Variants in GABRB2 observed in about 807,000 individuals in gnomAD.
GABRB2 encodes the protein gamma-aminobutyric acid receptor subunit beta-2.
In GABRB2, 16 loss-of-function variants were observed where a neutral mutation model predicts 54.7. That is an observed-to-expected ratio of 0.29 (90% CI 0.20 to 0.44). GABRB2 has a LOEUF of 0.44. Among genes scored for constraint, GABRB2 ranks in the 20% least tolerant of loss-of-function variants. The pLI is 1.00. For missense variants in GABRB2, 355 were observed against 644.0 expected, an observed-to-expected ratio of 0.55 and a Z score of 4.86; for synonymous variants, 244 against 233.8, an observed-to-expected ratio of 1.04 and a Z score of -0.40.
chr5:161,477,703 G>C (rs1219841875), intron 3 of GABRB2, among the ~76,000 whole-genome samples: 2 of 151,874 alleles, frequency 1.3e-5, no homozygotes, highest in African/African-American at 4.8e-5. Flanking sequence ...AAATAAGCCA[G>C]TCACAGAATG....
At chr5:161,520,374 GCTA>G (rs1760077588) in intron 3 of GABRB2, among the ~76,000 whole-genome samples, 1 of 151,922 alleles carries the variant, frequency 6.6e-6, no homozygotes, top group Non-Finnish European at 1.5e-5. Flanking sequence ...TTTTTGCTTT[GCTA>G]ATTTGTATTT....
chr5:161,293,786 T>C lies in GABRB2; in HGVS notation c.*295A>G. The C allele has an allele frequency of 3.1e-6, 1 of 319,632 alleles. No homozygotes were observed. The highest frequency in any genetic ancestry group is 6.5e-5 in the South Asian group (1 of 15,412). 19.8% of individuals were successfully genotyped at this position (319,632 alleles called of 1,614,324 possible). A position where few individuals can be genotyped will look rare whatever the true frequency, so the allele number is the denominator to read the frequency against. ...AGCCTTCTAAGAATATCTTCCAAATTATTCCCCTCTGAGTAGGCTGCATAC... is the reference window on the plus strand; with the variant it reads ...AGCCTTCTAAGAATATCTTCCAAATCATTCCCCTCTGAGTAGGCTGCATAC... On this transcript the variant is annotated 3_prime_UTR_variant, in exon 10 of 10. Coordinates refer to ENST00000393959, the MANE Select transcript of GABRB2 (RefSeq NM_001371727.1).
chr5:161,412,419 C>T (rs1254130393), intron 4 of GABRB2, among the ~76,000 whole-genome samples: 3 of 152,182 alleles, frequency 2.0e-5, no homozygotes, highest in African/African-American at 7.2e-5. Context: ...TCTCCACTGC[C>T]TCCCCTCTGA....
chr5:161,521,610 G>A (rs1581055709), intron 3 of GABRB2, among the ~76,000 whole-genome samples: 2 of 151,900 alleles, frequency 1.3e-5, no homozygotes, highest in Non-Finnish European at 2.9e-5. Flanking sequence ...AAAATCAAAC[G>A]AAGTGGATCA....
At chr5:161,455,966 A>G (rs1325686847) in intron 4 of GABRB2, among the ~76,000 whole-genome samples, 1 of 152,188 alleles carries the variant, frequency 6.6e-6, no homozygotes, top group African/African-American at 2.4e-5. Flanking sequence ...ATACCTGAAG[A>G]TTTCACTGAA....
intron 5 of GABRB2, among the ~76,000 whole-genome samples, chr5:161,388,438 G>A (rs1398881280): frequency 6.6e-6 from 1 of 151,988 alleles, no homozygotes. Context: ...AATTGCTTTT[G>A]ATGCTAGCTT....
intron 4 of GABRB2, among the ~76,000 whole-genome samples, chr5:161,443,809 C>T (rs1757532239): frequency 6.6e-6 from 1 of 152,208 alleles, no homozygotes; most frequent in Admixed American, 6.5e-5. Context: ...TTGTCTCATG[C>T]CATCATCAGG....
chr5:161,368,584 C>T (rs1009998986), intron 5 of GABRB2, among the ~76,000 whole-genome samples: 11 of 152,108 alleles, frequency 7.2e-5, no homozygotes, highest in African/African-American at 2.4e-4. Context: ...AATAATCTCC[C>T]GGAGTTGAGT....
chr5:161,495,086 T>G (rs987135618), intron 3 of GABRB2, among the ~76,000 whole-genome samples: 1 of 152,008 alleles, frequency 6.6e-6, no homozygotes, highest in Non-Finnish European at 1.5e-5. Context: ...ACATGATGCT[T>G]AGTCACAAAT....
Position 161,305,788 on chromosome 5 carries a change from C to G in GABRB2, c.1192-11360G>C, listed in dbSNP as rs529161095. On this transcript the variant is annotated intron_variant, in intron 9 of 9. Coordinates refer to ENST00000393959, the MANE Select transcript of GABRB2 (RefSeq NM_001371727.1). ...TCCACAAGACTGGAGACAGTCCAGT[C>G]AGTCAACCATTTCTAATGCACAGGA... Among the ~76,000 whole-genome samples, 6 of 152,336 alleles carry G rather than the reference C, an allele frequency of 3.9e-5. No homozygotes were observed. The South Asian group carries it at 1.2e-3, about 32-fold the overall frequency.
rs532434361 is a variant in GABRB2 at position 161,422,785 on chromosome 5, C to T, written c.459-11728G>A. The stretch of plus-strand genomic sequence containing the variant: ...GAATATGCATGGGATACTAACATTC[C>T]ATGGGTTGTAAATGATCAGCATAAC... On this transcript the variant is annotated intron_variant, in intron 4 of 9. Coordinates refer to ENST00000393959, the MANE Select transcript of GABRB2 (RefSeq NM_001371727.1). 7.2e-5 allele frequency among the ~76,000 whole-genome samples: 11 copies of T among 152,182 alleles called. No homozygotes were observed. The South Asian group carries it at 2.3e-3, about 32-fold the overall frequency.
intron 3 of GABRB2, among the ~76,000 whole-genome samples, chr5:161,480,370 C>T (rs950764272): frequency 2.0e-5 from 3 of 151,958 alleles, no homozygotes; most frequent in African/African-American, 7.2e-5. Context: ...CACACAAATA[C>T]ATAAATATAT....
intron 3 of GABRB2, among the ~76,000 whole-genome samples, chr5:161,489,863 C>T (rs1268031618): frequency 4.6e-5 from 7 of 151,756 alleles, no homozygotes; most frequent in African/African-American, 2.4e-5. Flanking sequence ...AGCTCCTTCT[C>T]TTTATGAGAT....
At chr5:161,336,919 AC>A in intron 5 of GABRB2, 150 bp from the exon 6 acceptor site, 1 of 829,072 alleles carries the variant, frequency 1.2e-6, no homozygotes, top group South Asian at 1.9e-5. Context: ...TTGGTATCAT[AC>A]TAAACATTTC....
intron 5 of GABRB2, among the ~76,000 whole-genome samples, chr5:161,395,346 A>G (rs1393728668): frequency 1.3e-5 from 2 of 152,164 alleles, no homozygotes; most frequent in East Asian, 3.9e-4. Flanking sequence ...TGAAGATAGT[A>G]AATGATTAAC....
intron 9 of GABRB2, among the ~76,000 whole-genome samples, chr5:161,323,551 C>A (rs1758278447): frequency 6.6e-6 from 1 of 152,158 alleles, no homozygotes; most frequent in Non-Finnish European, 1.5e-5. Flanking sequence ...TCTGCTTATG[C>A]ATCTCTGCAT....
At chr5:161,472,533 G>A (rs1444872297) in intron 3 of GABRB2, among the ~76,000 whole-genome samples, 1 of 151,278 alleles carries the variant, frequency 6.6e-6, no homozygotes, top group Non-Finnish European at 1.5e-5. Flanking sequence ...GTGGGGGTGG[G>A]GAGATGAATG....
At chr5:161,389,330 T>G (rs919248380) in intron 5 of GABRB2, among the ~76,000 whole-genome samples, 2 of 152,050 alleles carry the variant, frequency 1.3e-5, no homozygotes, top group African/African-American at 2.4e-5. Flanking sequence ...TAATTAAGCT[T>G]CTAATACATA....
intron 3 of GABRB2, among the ~76,000 whole-genome samples, chr5:161,535,475 G>A (rs758767212): frequency 6.6e-6 from 1 of 151,980 alleles, no homozygotes; most frequent in Admixed American, 6.6e-5. Flanking sequence ...CAACTATAAC[G>A]AAACAAGGTC....
Sources: allele counts gnomAD v4.1 joint callset (sites outside exome capture counted in the v4.1 genomes callset), GRCh38; gene constraint gnomAD v4.1.1; transcripts MANE v1.5; gene names NCBI Gene and HGNC (gene_info 2026-07-23, HGNC 2026-07-21).